Variants in REDIC1 observed in about 807,000 individuals in gnomAD.
The protein encoded by REDIC1 is regulator of DNA class I crossover intermediates 1, also known as HEI10 Interacting Protein 1.
chr12:39,707,047 A>G, the REDIC1 span, among the ~76,000 whole-genome samples: 1 of 151,892 alleles, frequency 6.6e-6, no homozygotes, highest in Non-Finnish European at 1.5e-5. Flanking sequence ...AAAAACTTCT[A>G]TACAATAAAG....
the REDIC1 span, among the ~76,000 whole-genome samples, chr12:39,903,376 T>G: frequency 6.6e-6 from 1 of 152,126 alleles, no homozygotes; most frequent in East Asian, 1.9e-4. Context: ...TTCATAAAAT[T>G]TATCAGGTAA....
At chr12:39,866,486 A>C in the REDIC1 span, among the ~76,000 whole-genome samples, 2 of 147,812 alleles carry the variant, frequency 1.4e-5, no homozygotes, top group Non-Finnish European at 3.0e-5. Context: ...TATTTGAAAG[A>C]TTTTTTTTTT....
At chr12:39,835,747 A>G in the REDIC1 span, 1 of 152,120 alleles carries the variant, frequency 6.6e-6, no homozygotes, top group Admixed American at 6.6e-5. Context: ...TATTTATTGA[A>G]TTAACCAATG....
chr12:39,686,375 G>T, the REDIC1 span, among the ~76,000 whole-genome samples: 1 of 152,192 alleles, frequency 6.6e-6, no homozygotes, highest in Non-Finnish European at 1.5e-5. Context: ...TGCACCCACA[G>T]GCTTAACACC....
the REDIC1 span, among the ~76,000 whole-genome samples, chr12:39,734,511 G>T: frequency 1.2e-4 from 19 of 152,116 alleles, no homozygotes; most frequent in South Asian, 3.7e-3. Flanking sequence ...TTTATTTTTA[G>T]TTCTTATATT....
chr12:39,785,314 C>T, the REDIC1 span, among the ~76,000 whole-genome samples: 2 of 152,216 alleles, frequency 1.3e-5, no homozygotes, highest in South Asian at 2.1e-4. Flanking sequence ...GGCCAACATA[C>T]AGCTCTGGCT....
At chr12:39,860,190 G>A in the REDIC1 span, among the ~76,000 whole-genome samples, 1 of 152,204 alleles carries the variant, frequency 6.6e-6, no homozygotes, top group Non-Finnish European at 1.5e-5. Context: ...AGAGGAGTGT[G>A]ACTTATTTGG....
chr12:39,817,723 C>T, the REDIC1 span, among the ~76,000 whole-genome samples: 1 of 152,146 alleles, frequency 6.6e-6, no homozygotes, highest in African/African-American at 2.4e-5. Context: ...ATATCTATAG[C>T]CAACGTATGC....
At chr12:39,818,722 T>G in the REDIC1 span, among the ~76,000 whole-genome samples, 6 of 152,200 alleles carry the variant, frequency 3.9e-5, no homozygotes, top group African/African-American at 1.4e-4. Flanking sequence ...TTCTTAAAGT[T>G]TGTTGAACAA....
chr12:39,639,191 A>G, the REDIC1 span, among the ~76,000 whole-genome samples: 1 of 151,986 alleles, frequency 6.6e-6, no homozygotes, highest in Admixed American at 6.6e-5. Context: ...CGGTAAAATG[A>G]AATTTTTTTT....
chr12:39,843,399 C>G, the REDIC1 span, among the ~76,000 whole-genome samples: 1 of 152,086 alleles, frequency 6.6e-6, no homozygotes, highest in East Asian at 1.9e-4. Flanking sequence ...AGTGATCCAG[C>G]CAGCAGAATG....
At chr12:39,711,771 G>A in the REDIC1 span, among the ~76,000 whole-genome samples, 81,833 of 105,308 alleles carry the variant, frequency 0.78, 32,275 homozygotes, top group Non-Finnish European at 0.82. Context: ...ATGTGTGTGT[G>A]CACATGCATG....
chr12:39,747,818 A>G, the REDIC1 span, among the ~76,000 whole-genome samples: 1 of 152,316 alleles, frequency 6.6e-6, no homozygotes, highest in Non-Finnish European at 1.5e-5. Flanking sequence ...TTTCATATCC[A>G]GCCAAACTAA....
chr12:39,781,666 C>A, the REDIC1 span, among the ~76,000 whole-genome samples: 1 of 152,192 alleles, frequency 6.6e-6, no homozygotes, highest in Non-Finnish European at 1.5e-5. Context: ...TAGTCCAGAG[C>A]AACTTTGGAA....
the REDIC1 span, among the ~76,000 whole-genome samples, chr12:39,722,648 A>G: frequency 6.6e-6 from 1 of 152,202 alleles, no homozygotes; most frequent in Non-Finnish European, 1.5e-5. Flanking sequence ...AAGTACATTA[A>G]TTATGAAAGT....
chr12:39,689,137 C>A, the REDIC1 span, among the ~76,000 whole-genome samples: 1 of 152,096 alleles, frequency 6.6e-6, no homozygotes, highest in Non-Finnish European at 1.5e-5. Flanking sequence ...TAGGTTAAGG[C>A]TTATAAGAAA....
the REDIC1 span, among the ~76,000 whole-genome samples, chr12:39,871,499 TTA>T: frequency 3.1e-4 from 46 of 149,420 alleles, no homozygotes; most frequent in East Asian, 1.9e-4. Context: ...AAAAAAACAA[TTA>T]TTTTTTTTCA....
chr12:39,736,841 CA>C, the REDIC1 span: 2 of 152,202 alleles, frequency 1.3e-5, no homozygotes. Flanking sequence ...CCAGCTTTCC[CA>C]GCCCCAGCGT....
At chr12:39,662,206 G>A in the REDIC1 span, among the ~76,000 whole-genome samples, 1 of 151,938 alleles carries the variant, frequency 6.6e-6, no homozygotes, top group South Asian at 2.1e-4. Context: ...AGATTACATT[G>A]ACTCTGTAGA....
Sources: allele counts gnomAD v4.1 joint callset (sites outside exome capture counted in the v4.1 genomes callset), GRCh38; gene constraint gnomAD v4.1.1; transcripts MANE v1.5; gene names NCBI Gene and HGNC (gene_info 2026-07-23, HGNC 2026-07-21).